Variants in UNC80 observed in about 807,000 individuals in gnomAD.
UNC80 encodes protein unc-80 homolog.
Under a neutral mutation model 384.6 loss-of-function variants are expected in UNC80, and 164 were observed. That is an observed-to-expected ratio of 0.43 (90% CI 0.38 to 0.49). UNC80 has a LOEUF of 0.49. Ranked by LOEUF, UNC80 falls within the 20% of genes least tolerant of loss-of-function variation. The pLI, the probability that UNC80 is intolerant of heterozygous loss-of-function variation, is 0.00. For missense variants in UNC80, 3,330 were observed against 4,143.0 expected (o/e 0.80, Z 5.39); for synonymous variants, 1,486 against 1,527.8 (o/e 0.97, Z 0.64).
At chr2:209,794,919 T>C (rs891076507) in intron 7 of UNC80, 9 of 394,316 alleles carry the variant, frequency 2.3e-5, no homozygotes, top group African/African-American at 1.9e-4. Context: ...TGAACTAATA[T>C]AGTAAATTGG....
chr2:209,905,083 A>G (rs2124931294), intron 29 of UNC80, 118 bp downstream of exon 29: 2 of 1,025,554 alleles, frequency 2.0e-6, no homozygotes, highest in Admixed American at 2.1e-5. Context: ...GTCTGTGTGC[A>G]TCTAAACATA....
rs574624093 is a variant in UNC80, at chr2:209,821,313, T to G, written c.2331+634T>G. 5.3e-5 allele frequency among the ~76,000 whole-genome samples: 8 copies of G among 152,328 alleles called. No individual in the cohort carries two copies. The East Asian group carries it at 1.5e-3, about 29-fold the overall frequency. Reference sequence around the variant, plus strand: ...CCCACTAGACCAGGCCCCACCATCATGACCTCACTTAACCCTAATTACCTC... The same window carrying G: ...CCCACTAGACCAGGCCCCACCATCAGGACCTCACTTAACCCTAATTACCTC... On this transcript the variant is annotated intron_variant, in intron 13 of 64. Transcript: ENST00000673920.
At chr2:209,959,396 A>G in intron 50 of UNC80, 93 bp from the exon 51 acceptor site, 2 of 1,247,554 alleles carry the variant, frequency 1.6e-6, no homozygotes, top group Non-Finnish European at 1.1e-6. Context: ...CTCATTAGGA[A>G]TCTTATATTT....
intron 29 of UNC80, among the ~76,000 whole-genome samples, chr2:209,909,803 A>C (rs1163049370): frequency 6.6e-6 from 1 of 152,092 alleles, no homozygotes; most frequent in African/African-American, 2.4e-5. Flanking sequence ...CATTGGTCCA[A>C]GTTCTACCCT....
chr2:209,918,323 G>A (rs2089730328), intron 32 of UNC80, among the ~76,000 whole-genome samples: 1 of 152,144 alleles, frequency 6.6e-6, no homozygotes, highest in African/African-American at 2.4e-5. Flanking sequence ...AGCCTTTAAT[G>A]AATTAGTAAA....
intron 52 of UNC80, chr2:209,967,912 A>G (rs1559411422): frequency 3.4e-6 from 1 of 297,386 alleles, no homozygotes; most frequent in Non-Finnish European, 6.3e-6. Context: ...TAAAAATTTC[A>G]ATTAGTACCC....
chr2:209,835,133 C>T, intron 18 of UNC80, 123 bp downstream of exon 18: 3 of 732,044 alleles, frequency 4.1e-6, no homozygotes, highest in Non-Finnish European at 4.4e-6. Context: ...TTGTTTCTAC[C>T]CTTTACATTT....
At chr2:209,852,431 C>T (rs892138385) in intron 22 of UNC80, among the ~76,000 whole-genome samples, 48 of 151,966 alleles carry the variant, frequency 3.2e-4, no homozygotes, top group African/African-American at 1.1e-3. Flanking sequence ...GAGAATAATA[C>T]TCATAACATT....
chr2:209,771,909 A>C lies in UNC80; in HGVS notation c.-164A>C. ...CCGCAGCCATGTTCCACGCGCGGGGAGGGGTGGGGGGAGGGGAGAGGCACG... is the reference window on the plus strand; with the variant it reads ...CCGCAGCCATGTTCCACGCGCGGGGCGGGGTGGGGGGAGGGGAGAGGCACG... On this transcript the variant is annotated 5_prime_UTR_variant, in exon 1 of 65. Coordinates refer to ENST00000673920, the MANE Select transcript of UNC80 (RefSeq NM_001371986.1). 12 of 582,804 alleles carry C rather than the reference A, an allele frequency of 2.1e-5. No individual in the cohort carries two copies. Among genetic ancestry groups the C allele is most frequent in the East Asian group, 7.1e-5 (2 of 28,314 alleles). 36.1% of individuals were successfully genotyped at this position (582,804 alleles called of 1,614,324 possible). A position where few individuals can be genotyped will look rare whatever the true frequency, so the allele number is the denominator to read the frequency against.
Position 209,808,449 on chromosome 2 carries a change from G to T in UNC80, c.939-5131G>T, listed in dbSNP as rs374079945. 1.1e-3 allele frequency among the ~76,000 whole-genome samples: 166 copies of T among 151,074 alleles called. 6 individuals are homozygous for T. The South Asian group carries it at 0.033, about 30-fold the overall frequency. ...GTCGTGGCGGGCACCTGTAATCTCA[G>T]CTACTCAGGAGATTGAGGCAGGAGA... On this transcript the variant is annotated intron_variant, in intron 7 of 64. Coordinates refer to ENST00000673920, the MANE Select transcript of UNC80 (RefSeq NM_001371986.1).
chr2:209,777,213 G>T, intron 3 of UNC80, 45 bp from the exon 4 acceptor site: 2 of 1,531,536 alleles, frequency 1.3e-6, no homozygotes, highest in Non-Finnish European at 8.8e-7. Flanking sequence ...TATTGCCCTG[G>T]TCACAGAGTT....
At chr2:209,797,742 T>G (rs540028963) in intron 7 of UNC80, among the ~76,000 whole-genome samples, 2 of 152,206 alleles carry the variant, frequency 1.3e-5, no homozygotes, top group Admixed American at 6.5e-5. Context: ...CATGCTATCT[T>G]CCACAACGGT....
At chr2:209,967,302 GTTGGGAAGAATGTTCTTAGTTC>G in intron 51 of UNC80, 113 bp from the exon 52 acceptor site, 1 of 519,348 alleles carries the variant, frequency 1.9e-6, no homozygotes, top group South Asian at 5.2e-5. Flanking sequence ...GATAGAGGAT[GTTGGGAAGAATGTTCTTAGTTC>G]AGGGAGTTGG....
Position 209,908,001 on chromosome 2 carries a change from GT to G in UNC80, c.4782+3037del, listed in dbSNP as rs569173617. ...TTCTAACTTTAACATATTGTAATTA[GT>G]CATTCAGGTAGAGAGCTAAAAAGAT... On this transcript the variant is annotated intron_variant, in intron 29 of 64. Transcript: ENST00000673920. 1.6e-3 allele frequency among the ~76,000 whole-genome samples: 240 copies of G among 152,324 alleles called. 1 individual carries two copies. The highest frequency in any genetic ancestry group is 5.6e-3 in the African/African-American group (232 of 41,570).
At chr2:209,992,841 T>C (rs1252510638) in intron 62 of UNC80, among the ~76,000 whole-genome samples, 2 of 152,220 alleles carry the variant, frequency 1.3e-5, no homozygotes, top group South Asian at 2.1e-4. Flanking sequence ...TTAGGTGGAG[T>C]TCTTTTACAT....
In UNC80 at chr2:209,995,670, G is replaced by C. The variant is rs1168882232; in HGVS notation, c.*75G>C. 1.4e-6 allele frequency: 2 copies of C among 1,470,494 alleles called. No homozygotes were observed. The highest frequency in any genetic ancestry group is 1.8e-6 in the Non-Finnish European group (2 of 1,100,916). The allele number at this position is 1,470,494 out of a possible 1,614,324, so 91.1% of individuals were successfully genotyped here. ...TCTCTACTACAAGTTCAATACTTTT[G>C]CTTGAAAAAGATTAATTACAAAATA... On this transcript the variant is annotated 3_prime_UTR_variant, in exon 65 of 65. Coordinates refer to ENST00000673920, the MANE Select transcript of UNC80 (RefSeq NM_001371986.1).
At chr2:209,896,218 C>A in intron 27 of UNC80, 95 bp from the exon 28 acceptor site, 1 of 1,110,020 alleles carries the variant, frequency 9.0e-7, no homozygotes, top group Non-Finnish European at 1.3e-6. Flanking sequence ...TGGTAGTCTG[C>A]CCTAGGATTC....
chr2:209,996,759 G>A lies in UNC80; in HGVS notation c.*1164G>A, dbSNP rs892970824. 4 of 152,144 alleles carry A rather than the reference G, an allele frequency of 2.6e-5. No homozygotes were observed. The East Asian group carries it at 7.7e-4, about 29-fold the overall frequency. The allele number at this position is 152,144 out of a possible 1,614,324, so 9.4% of individuals were successfully genotyped here. A position where few individuals can be genotyped will look rare whatever the true frequency, so the allele number is the denominator to read the frequency against. ...ACACCTAGTGTGTTACTGATCCTATGGTAGGGCTGTGCATCACGTGGTTCA... is the reference window on the plus strand; with the variant it reads ...ACACCTAGTGTGTTACTGATCCTATAGTAGGGCTGTGCATCACGTGGTTCA... On this transcript the variant is annotated 3_prime_UTR_variant, in exon 65 of 65. Coordinates refer to ENST00000673920, the MANE Select transcript of UNC80 (RefSeq NM_001371986.1).
intron 22 of UNC80, among the ~76,000 whole-genome samples, chr2:209,861,317 G>A (rs1438294656): frequency 6.6e-6 from 1 of 152,176 alleles, no homozygotes; most frequent in Non-Finnish European, 1.5e-5. Flanking sequence ...TGTGGTTTTG[G>A]TCTTTGGTTC....
Sources: allele counts gnomAD v4.1 joint callset (sites outside exome capture counted in the v4.1 genomes callset), GRCh38; gene constraint gnomAD v4.1.1; transcripts MANE v1.5; gene names NCBI Gene and HGNC (gene_info 2026-07-23, HGNC 2026-07-21).